Variants in FMN1 observed in about 807,000 individuals in gnomAD.
FMN1 encodes the protein formin-1.
In FMN1, 110 loss-of-function variants were observed where a neutral mutation model predicts 132.4. The observed-to-expected ratio is 0.83, with a 90% CI of 0.71 to 0.97. The LOEUF is 0.97. Ranked by LOEUF, FMN1 falls within the 50% of genes least tolerant of loss-of-function variation. FMN1 has a pLI of 0.00. For missense variants in FMN1, 1,792 were observed against 1,705.3 expected, an observed-to-expected ratio of 1.05 and a Z score of -0.90; for synonymous variants, 722 against 651.7, an observed-to-expected ratio of 1.11 and a Z score of -1.64.
intron 5 of FMN1, among the ~76,000 whole-genome samples, chr15:33,077,793 C>A (rs897727851): frequency 2.9e-3 from 332 of 114,758 alleles, no homozygotes; most frequent in East Asian, 5.2e-3. Context: ...AACAAATTTA[C>A]AAAAAAAAAA....
intron 4 of FMN1, among the ~76,000 whole-genome samples, chr15:33,112,944 G>C (rs1043896592): frequency 6.6e-6 from 1 of 152,188 alleles, no homozygotes; most frequent in Non-Finnish European, 1.5e-5. Flanking sequence ...CTGGGACAAA[G>C]GGGAAGGCAG....
chr15:32,774,225 A>G lies in FMN1; in HGVS notation c.*85T>C, dbSNP rs1174615897. 5.6e-6 allele frequency: 6 copies of G among 1,063,686 alleles called. No homozygotes were observed. The highest frequency in any genetic ancestry group is 7.0e-6 in the Non-Finnish European group (5 of 710,574). 65.9% of individuals were successfully genotyped at this position (1,063,686 alleles called of 1,614,324 possible). A position where few individuals can be genotyped will look rare whatever the true frequency, so the allele number is the denominator to read the frequency against. On this transcript the variant is annotated 3_prime_UTR_variant, in exon 21 of 21. Coordinates refer to ENST00000616417, the MANE Select transcript of FMN1 (RefSeq NM_001277313.2). ...CAAACATTTAGTGACACATCTTTCA[A>G]GAACGTCCTGCAACCCTGTGGTCAC... is the stretch of plus-strand genomic sequence containing the variant.
intron 4 of FMN1, among the ~76,000 whole-genome samples, chr15:33,125,126 G>A (rs1039895036): frequency 3.9e-5 from 6 of 152,060 alleles, no homozygotes; most frequent in South Asian, 4.1e-4. Context: ...TTACATCTAG[G>A]GAGGCCAAAT....
intron 16 of FMN1, among the ~76,000 whole-genome samples, chr15:32,883,025 A>G (rs2059807938): frequency 6.6e-6 from 1 of 152,214 alleles, no homozygotes; most frequent in Admixed American, 6.5e-5. Flanking sequence ...AAAGCTGCTG[A>G]AGAGCAGGGA....
chr15:33,193,549 T>G (rs1966154165), intron 2 of FMN1, among the ~76,000 whole-genome samples: 1 of 152,094 alleles, frequency 6.6e-6, no homozygotes, highest in Admixed American at 6.6e-5. Flanking sequence ...GAAAGTCAGG[T>G]TGTCTGCTAC....
At chr15:32,849,181 C>T (rs1374567715) in intron 17 of FMN1, among the ~76,000 whole-genome samples, 7 of 148,472 alleles carry the variant, frequency 4.7e-5, no homozygotes, top group East Asian at 2.0e-4. Context: ...TTAGTAGACA[C>T]GGGGTTTCAT....
intron 19 of FMN1, among the ~76,000 whole-genome samples, chr15:32,798,176 A>AC (rs2057351121): frequency 1.7e-5 from 1 of 60,596 alleles, no homozygotes; most frequent in Non-Finnish European, 3.2e-5. Context: ...TCTAAGGAAA[A>AC]CGCACACACA....
chr15:33,045,654 G>C (rs1459123753), intron 6 of FMN1, among the ~76,000 whole-genome samples: 2 of 152,186 alleles, frequency 1.3e-5, no homozygotes, highest in African/African-American at 2.4e-5. Context: ...ATCTGATCTG[G>C]TAATTAACTG....
intron 17 of FMN1, among the ~76,000 whole-genome samples, chr15:32,833,082 C>T (rs562642846): frequency 6.6e-6 from 1 of 152,232 alleles, no homozygotes; most frequent in Non-Finnish European, 1.5e-5. Context: ...TTCTCCACCG[C>T]CACCACTCCC....
intron 17 of FMN1, among the ~76,000 whole-genome samples, chr15:32,812,218 C>A (rs2141049326): frequency 6.6e-6 from 1 of 152,270 alleles, no homozygotes; most frequent in African/African-American, 2.4e-5. Flanking sequence ...CAACTCATTA[C>A]ACACAATGGC....
At chr15:32,866,190 C>A (rs1334067734) in intron 16 of FMN1, among the ~76,000 whole-genome samples, 1 of 148,802 alleles carries the variant, frequency 6.7e-6, no homozygotes, top group Non-Finnish European at 1.5e-5. Context: ...AACAAACCTG[C>A]ACGTTGTGCA....
At chr15:33,079,392 G>C (rs910678978) in intron 5 of FMN1, among the ~76,000 whole-genome samples, 2 of 152,222 alleles carry the variant, frequency 1.3e-5, no homozygotes, top group East Asian at 1.9e-4. Context: ...AAGGCTGAGG[G>C]AGGGAGGATC....
At chr15:32,850,028 CTT>C (rs2058972763) in intron 17 of FMN1, among the ~76,000 whole-genome samples, 1 of 152,182 alleles carries the variant, frequency 6.6e-6, no homozygotes. Flanking sequence ...AAGAGATTAT[CTT>C]AATTCTTGGC....
At chr15:33,065,864 A>C (rs2037701688) in intron 5 of FMN1, among the ~76,000 whole-genome samples, 1 of 152,186 alleles carries the variant, frequency 6.6e-6, no homozygotes, top group Non-Finnish European at 1.5e-5. Flanking sequence ...GCATCTATTA[A>C]TTAGATGCTT....
chr15:33,067,455 T>C (rs767465109), intron 5 of FMN1: 4 of 1,614,026 alleles, frequency 2.5e-6, no homozygotes, highest in South Asian at 1.1e-5. Context: ...TCACTGGTGG[T>C]GTGCACCAGG....
At chr15:33,190,820 C>T (rs1468458040) in intron 2 of FMN1, among the ~76,000 whole-genome samples, 4 of 152,142 alleles carry the variant, frequency 2.6e-5, no homozygotes, top group South Asian at 2.1e-4. Context: ...AGCATTCTGG[C>T]GGTCCCTGCT....
At chr15:32,857,206 A>C in intron 16 of FMN1, 99 bp from the exon 17 acceptor site, 2 of 890,350 alleles carry the variant, frequency 2.2e-6, no homozygotes, top group Non-Finnish European at 3.7e-6. Context: ...TCAATTGTGC[A>C]CACTCCTTGT....
intron 19 of FMN1, among the ~76,000 whole-genome samples, chr15:32,786,124 C>T (rs553341947): frequency 1.3e-5 from 2 of 152,292 alleles, no homozygotes; most frequent in Admixed American, 6.5e-5. Context: ...CAAGCTGCTG[C>T]ACCACTGGAC....
At chr15:33,013,189 A>G (rs2034831317) in intron 6 of FMN1, 1 of 332,060 alleles carries the variant, frequency 3.0e-6, no homozygotes, top group Non-Finnish European at 5.7e-6. Flanking sequence ...CCTAGCTGCT[A>G]CAAAGAAGAC....
Sources: allele counts gnomAD v4.1 joint callset (sites outside exome capture counted in the v4.1 genomes callset), GRCh38; gene constraint gnomAD v4.1.1; transcripts MANE v1.5; gene names NCBI Gene and HGNC (gene_info 2026-07-23, HGNC 2026-07-21).